NALCN: variants seen among roughly 807,000 people sequenced by gnomAD.
NALCN encodes the protein sodium leak channel NALCN.
A neutral mutation model predicts 225.3 loss-of-function variants in NALCN; 111 were observed. That is an observed-to-expected ratio of 0.49 (90% confidence interval 0.42 to 0.58). NALCN has a LOEUF of 0.58. Ranked by LOEUF, NALCN falls within the 20% of genes least tolerant of loss-of-function variation. NALCN has a pLI of 0.00. For missense variants in NALCN, 1,378 were observed against 2,202.4 expected (o/e 0.63, Z 7.49); for synonymous variants, 764 against 769.0 (o/e 0.99, Z 0.11).
In NALCN at chr13:101,074,097, A is replaced by C. The variant is rs530141207; in HGVS notation, c.4103+417T>G. Among the ~76,000 whole-genome samples, 10 of 152,330 alleles carry C rather than the reference A, an allele frequency of 6.6e-5. No individual in the cohort carries two copies. In the South Asian group the frequency reaches 2.1e-3, roughly 32 times the overall value. On this transcript the variant is annotated intron_variant, in intron 36 of 43. Transcript: ENST00000251127. ...GGCAAATCGTTGAAAACTGCTTTTC[A>C]TATATTACAACCATTTGGGGGGCTC...
intron 11 of NALCN, among the ~76,000 whole-genome samples, chr13:101,257,207 TTG>T (rs1389618692): frequency 1.9e-3 from 225 of 118,080 alleles, no homozygotes; most frequent in Non-Finnish European, 3.6e-3. Context: ...TTATTGTTTA[TTG>T]TTTTTTTTTT....
intron 10 of NALCN, among the ~76,000 whole-genome samples, chr13:101,279,206 C>T (rs887156418): frequency 7.2e-5 from 11 of 152,112 alleles, no homozygotes; most frequent in Non-Finnish European, 1.6e-4. Flanking sequence ...ACAGAGGTAC[C>T]TGGCTTATTT....
chr13:101,362,256 A>G (rs1240315094), intron 6 of NALCN, among the ~76,000 whole-genome samples: 1 of 152,102 alleles, frequency 6.6e-6, no homozygotes, highest in Admixed American at 6.6e-5. Context: ...AACAGTTTAT[A>G]CATATGGATG....
At position 101,115,348 on chromosome 13, in the gene NALCN, C is replaced by T. The variant is rs529503868; in HGVS notation, c.2193-4122G>A. Among the ~76,000 whole-genome samples the T allele has an allele frequency of 4.6e-5, 7 of 152,192 alleles. No homozygotes were observed. The East Asian group carries it at 9.7e-4, about 21-fold the overall frequency. ...GAAAGCTATTAGGGAAGCCTGAAAG[C>T]CAAGAGGGAGCAGAGCAGGCTGTAG... On this transcript the variant is annotated intron_variant, in intron 18 of 43. Coordinates refer to ENST00000251127, the MANE Select transcript of NALCN (RefSeq NM_052867.4).
chr13:101,066,007 G>T (rs899684654), intron 39 of NALCN, among the ~76,000 whole-genome samples: 1 of 152,134 alleles, frequency 6.6e-6, no homozygotes, highest in Non-Finnish European at 1.5e-5. Flanking sequence ...TGCTAGGAAC[G>T]TCTCAATGTT....
At chr13:101,406,351 T>G (rs561899319) in intron 1 of NALCN, among the ~76,000 whole-genome samples, 1 of 151,952 alleles carries the variant, frequency 6.6e-6, no homozygotes, top group South Asian at 2.1e-4. Flanking sequence ...AAAAAGAATA[T>G]GCACTATGTC....
intron 13 of NALCN, among the ~76,000 whole-genome samples, chr13:101,198,966 A>T (rs1258642728): frequency 6.6e-6 from 1 of 152,136 alleles, no homozygotes; most frequent in Non-Finnish European, 1.5e-5. Flanking sequence ...CAGCCATAAA[A>T]TTGATGAGTT....
At chr13:101,370,079 C>T (rs910357228) in intron 6 of NALCN, among the ~76,000 whole-genome samples, 1 of 152,074 alleles carries the variant, frequency 6.6e-6, no homozygotes, top group Middle Eastern at 3.2e-3. Context: ...CTCAACCATG[C>T]CTTCAATAAA....
At chr13:101,183,818 T>C (rs945960396) in intron 14 of NALCN, among the ~76,000 whole-genome samples, 11 of 152,104 alleles carry the variant, frequency 7.2e-5, no homozygotes, top group Non-Finnish European at 1.5e-4. Flanking sequence ...TTTAATGATA[T>C]AATTTCAGGG....
chr13:101,364,463 A>C (rs2046329527), intron 6 of NALCN, among the ~76,000 whole-genome samples: 2 of 152,174 alleles, frequency 1.3e-5, no homozygotes, highest in Non-Finnish European at 2.9e-5. Context: ...CATTATGTTA[A>C]AAGAAATAAG....
intron 7 of NALCN, among the ~76,000 whole-genome samples, chr13:101,321,640 C>T (rs887097480): frequency 6.6e-6 from 1 of 152,120 alleles, no homozygotes; most frequent in African/African-American, 2.4e-5. Context: ...ATCACACACA[C>T]ACAAAAGGCA....
At chr13:101,156,939 T>C (rs112382159) in intron 15 of NALCN, among the ~76,000 whole-genome samples, 5 of 152,300 alleles carry the variant, frequency 3.3e-5, no homozygotes, top group African/African-American at 1.2e-4. Context: ...GTCAAATGAA[T>C]AGTTTTTAAA....
chr13:101,144,951 A>G, intron 15 of NALCN, 55 bp from the exon 16 acceptor site: 1 of 1,512,048 alleles, frequency 6.6e-7, no homozygotes, highest in Non-Finnish European at 8.8e-7. Context: ...ACTATTATAT[A>G]CGTTACACAA....
intron 7 of NALCN, among the ~76,000 whole-genome samples, chr13:101,310,228 C>T (rs992488805): frequency 1.3e-5 from 2 of 152,182 alleles, no homozygotes; most frequent in African/African-American, 2.4e-5. Flanking sequence ...AAATGCTCCA[C>T]GGGCTTTCCA....
intron 17 of NALCN, among the ~76,000 whole-genome samples, chr13:101,134,117 C>A (rs561779357): frequency 2.1e-4 from 32 of 152,246 alleles, no homozygotes; most frequent in African/African-American, 7.5e-4. Context: ...TTGCAGTGAG[C>A]TGAGATCGCG....
intron 7 of NALCN, among the ~76,000 whole-genome samples, chr13:101,333,696 G>A (rs2045265042): frequency 6.6e-6 from 1 of 152,132 alleles, no homozygotes. Context: ...GCTGTGTTAC[G>A]GCTTTCCTAA....
At chr13:101,359,871 G>GA (rs1472825489) in intron 6 of NALCN, among the ~76,000 whole-genome samples, 3 of 152,016 alleles carry the variant, frequency 2.0e-5, no homozygotes, top group African/African-American at 7.2e-5. Context: ...CAGATCTTCT[G>GA]AAAAAATAAT....
intron 3 of NALCN, among the ~76,000 whole-genome samples, chr13:101,393,522 G>A (rs112273600): frequency 4.6e-5 from 7 of 152,204 alleles, no homozygotes; most frequent in African/African-American, 1.7e-4. Flanking sequence ...GATGTGAAAA[G>A]CTGAAACTTA....
intron 10 of NALCN, 104 bp downstream of exon 10, chr13:101,283,829 A>AT: frequency 1.0e-6 from 1 of 982,658 alleles, no homozygotes. Context: ...TCAGGATTTT[A>AT]AATTTGGACA....
Sources: allele counts gnomAD v4.1 joint callset (sites outside exome capture counted in the v4.1 genomes callset), GRCh38; gene constraint gnomAD v4.1.1; transcripts MANE v1.5; gene names NCBI Gene and HGNC (gene_info 2026-07-23, HGNC 2026-07-21).